The following ZNF429 variants were observed in gnomAD, a reference collection of about 807,000 sequenced individuals.
ZNF429 encodes the protein zinc finger protein 429.
ZNF429 carries 53 observed loss-of-function variants against 56.8 expected under a neutral mutation model. The ratio of observed to expected loss-of-function variants is 0.93; its 90% CI spans 0.75 to 1.17. The LOEUF (loss-of-function observed/expected upper bound fraction) is 1.17, where lower values mean the gene tolerates loss of function less well. ZNF429 is among the 50% of genes most tolerant of loss of function. ZNF429 has a pLI of 0.00. For synonymous variants in ZNF429, 278 were observed against 264.7 expected, an observed-to-expected ratio of 1.05 and a Z score of -0.49; for missense variants, 849 against 788.4, an observed-to-expected ratio of 1.08 and a Z score of -0.92.
chr19:21,529,549 T>C, intron 1 of ZNF429, 109 bp from the exon 2 acceptor site: 1 of 1,277,932 alleles, frequency 7.8e-7, no homozygotes, highest in Non-Finnish European at 1.0e-6. Flanking sequence ...GCAGTTCTCT[T>C]TACTCTCTCA....
chr19:21,524,213 A>G (rs1356371581), intron 1 of ZNF429, among the ~76,000 whole-genome samples: 1 of 152,194 alleles, frequency 6.6e-6, no homozygotes, highest in Non-Finnish European at 1.5e-5. Flanking sequence ...CCAGAGCCAT[A>G]ACACAACTAT....
chr19:21,535,355 TTTC>T, intron 3 of ZNF429, among the ~76,000 whole-genome samples: 3 of 94,200 alleles, frequency 3.2e-5, no homozygotes, highest in Admixed American at 2.0e-4. Flanking sequence ...TTTCCTTTCT[TTTC>T]TTCTTTCTTT....
intron 1 of ZNF429, among the ~76,000 whole-genome samples, chr19:21,507,946 A>G (rs998887232): frequency 1.3e-5 from 2 of 152,104 alleles, no homozygotes; most frequent in Non-Finnish European, 2.9e-5. Flanking sequence ...ATTCTCTACA[A>G]TTTGTGAAAA....
Position 21,538,117 on chromosome 19 carries a change from A to C in ZNF429, c.*39A>C. 2 of 807,918 alleles carry C rather than the reference A, an allele frequency of 2.5e-6. No homozygotes were observed. Among genetic ancestry groups the C allele is most frequent in the Non-Finnish European group, 3.7e-6 (2 of 543,134 alleles). 50.0% of individuals were successfully genotyped at this position (807,918 alleles called of 1,614,324 possible). A position where few individuals can be genotyped will look rare whatever the true frequency, so the allele number is the denominator to read the frequency against. Reference sequence around the variant, plus strand: ...CGTCTCTACTAAAAATACAAAAAAAAAAAAAAAAAAAATTAGCCAGGCGTG... The same window carrying C: ...CGTCTCTACTAAAAATACAAAAAAACAAAAAAAAAAAATTAGCCAGGCGTG... On this transcript the variant is annotated 3_prime_UTR_variant, in exon 4 of 4. Transcript: ENST00000358491.
chr19:21,535,903 A>G, intron 3 of ZNF429, among the ~76,000 whole-genome samples: 1 of 152,180 alleles, frequency 6.6e-6, no homozygotes, highest in Non-Finnish European at 1.5e-5. Context: ...ATAAAGATGT[A>G]TGTGCCAATA....
rs1233150894 is a variant in ZNF429 at position 21,540,288 on chromosome 19, G to T, written c.*2210G>T. Among the ~76,000 whole-genome samples the T allele has an allele frequency of 1.3e-5, 2 of 152,158 alleles. No homozygotes were observed. The highest frequency in any genetic ancestry group is 2.9e-5 in the Non-Finnish European group (2 of 68,012). On this transcript the variant is annotated 3_prime_UTR_variant, in exon 4 of 4. Coordinates refer to ENST00000358491, the MANE Select transcript of ZNF429 (RefSeq NM_001001415.4). ...TAGCAGTATGCTATTTAGTAACATA[G>T]TGGAATAGCATCTCTAGTAATCTCT...
intron 1 of ZNF429, among the ~76,000 whole-genome samples, chr19:21,506,762 T>TTTTTG (rs1368507546): frequency 7.0e-6 from 1 of 142,382 alleles, no homozygotes; most frequent in Non-Finnish European, 1.5e-5. Flanking sequence ...TTGAGTTAGT[T>TTTTTG]TTTTGTTTTT....
chr19:21,535,556 C>A, intron 3 of ZNF429, among the ~76,000 whole-genome samples: 1 of 147,972 alleles, frequency 6.8e-6, no homozygotes, highest in Non-Finnish European at 1.5e-5. Context: ...GCTCTGTTGC[C>A]CAGGCTGGAG....
chr19:21,530,687 A>T lies in ZNF429; in HGVS notation c.226+3A>T. 9 of 1,605,182 alleles carry T rather than the reference A, an allele frequency of 5.6e-6. No homozygotes were observed. The African/African-American group carries it at 1.1e-4, about 19-fold the overall frequency. ...TGAAATGGTGGATGAACCCCCAGGT[A>T]GGTGAGAGTGAACACAACAGACAAC... On this transcript the variant is annotated splice_donor_region_variant and intron_variant, in intron 3 of 3. Transcript: ENST00000358491.
rs545110643 is a variant in ZNF429 at position 21,511,112 on chromosome 19, G to C, written c.3+5338G>C. 9.9e-3 allele frequency among the ~76,000 whole-genome samples: 1,514 copies of C among 152,314 alleles called. 25 individuals carry two copies. The highest frequency in any genetic ancestry group is 0.034 in the African/African-American group (1,418 of 41,564). On this transcript the variant is annotated intron_variant, in intron 1 of 3. Coordinates refer to ENST00000358491, the MANE Select transcript of ZNF429 (RefSeq NM_001001415.4). ...GCTGTTGGGTACACCTCCCAGACGG[G>C]GTGGTGGCCGGGCAGAGGGGCTCCT... is the stretch of plus-strand genomic sequence containing the variant.
In ZNF429 at chr19:21,536,830, T is replaced by TG; in HGVS notation, c.777_778insG (p.Lys260GlufsTer8). The TG allele has an allele frequency of 6.2e-7, 1 of 1,613,722 alleles. No homozygotes were observed. The highest frequency in any genetic ancestry group is 2.2e-5 in the East Asian group (1 of 44,866). The stretch of plus-strand genomic sequence containing the variant: ...ATACTGGAGAGAAACCCTACAAATG[T>TG]AAAGAATGTGGCAAAGCCTTTAGCA... On this transcript the variant is annotated frameshift_variant, in exon 4 of 4. Coordinates refer to ENST00000358491, the MANE Select transcript of ZNF429 (RefSeq NM_001001415.4). LOFTEE classifies it high-confidence loss of function.
Position 21,536,224 on chromosome 19 carries a change from G to A in ZNF429, c.227-56G>A. On this transcript the variant is annotated intron_variant, in intron 3 of 3. Transcript: ENST00000358491. ...TAACTTTAGAGGTTTTGTTTGTGAC[G>A]TATATATATCTGAGTCTAGTAAGTG... The A allele has an allele frequency of 4.0e-5, 59 of 1,483,268 alleles. 1 individual carries two copies. The highest frequency in any genetic ancestry group is 1.8e-4 in the East Asian group (8 of 43,820). The allele number at this position is 1,483,268 out of a possible 1,614,324, so 91.9% of individuals were successfully genotyped here.
In ZNF429 at chr19:21,537,128, C is replaced by T; in HGVS notation, c.1075C>T (p.His359Tyr). 2 of 1,613,656 alleles carry T rather than the reference C, an allele frequency of 1.2e-6. No homozygotes were observed. The highest frequency in any genetic ancestry group is 1.7e-6 in the Non-Finnish European group (2 of 1,179,868). ...TAACTGGTCTTCAACTCTTACTAAACATAAGGTAATTCATACTGGAGAGAA... is the reference window on the plus strand; with the variant it reads ...TAACTGGTCTTCAACTCTTACTAAATATAAGGTAATTCATACTGGAGAGAA... ...AFNWSSTLTK[H>Y]KVIHTGEKPY... is the part of the protein sequence containing the mutation. Residue 359 changes from histidine to tyrosine, a missense_variant, in exon 4 of 4, where the codon CAT becomes TAT. His to Tyr is a moderately conservative substitution (Grantham distance 83). Transcript: ENST00000358491.
intron 1 of ZNF429, chr19:21,505,990 G>T: frequency 2.2e-6 from 1 of 462,342 alleles, no homozygotes. Flanking sequence ...CGCAGTGACT[G>T]TGCCTGACGT....
chr19:21,531,126 A>AAT, intron 3 of ZNF429, among the ~76,000 whole-genome samples: 1 of 106,032 alleles, frequency 9.4e-6, no homozygotes, highest in Non-Finnish European at 2.1e-5. Flanking sequence ...AAAAAAAAAA[A>AAT]AAACCAAAAA....
At chr19:21,535,914 T>C in intron 3 of ZNF429, among the ~76,000 whole-genome samples, 35 of 152,196 alleles carry the variant, frequency 2.3e-4, no homozygotes, top group Admixed American at 7.9e-4. Flanking sequence ...TGTGCCAATA[T>C]ATTTCTTGTC....
intron 1 of ZNF429, among the ~76,000 whole-genome samples, chr19:21,516,058 T>A (rs952674515): frequency 2.6e-5 from 4 of 152,126 alleles, no homozygotes; most frequent in African/African-American, 7.2e-5. Flanking sequence ...TTTTGTTTTT[T>A]TAAATTTTTT....
Position 21,536,858 on chromosome 19 carries a change from T to C in ZNF429, c.805T>C (p.Tyr269His). The change falls in exon 4 of 4, where the codon TAC becomes CAC. Residue 269 changes from tyrosine to histidine, a missense_variant. Transcript: ENST00000358491. The stretch of plus-strand genomic sequence containing the variant: ...AGAATGTGGCAAAGCCTTTAGCAGG[T>C]ACTCAACCCTTACTACCCATAAGAG... The part of the protein sequence containing the change: ...CKECGKAFSR[Y>H]STLTTHKRIH... The C allele has an allele frequency of 6.2e-7, 1 of 1,613,802 alleles. No homozygotes were observed. Among genetic ancestry groups the C allele is most frequent in the Non-Finnish European group, 8.5e-7 (1 of 1,179,956 alleles).
chr19:21,531,116 A>AACAAAACAAAC, intron 3 of ZNF429, among the ~76,000 whole-genome samples: 1 of 86,158 alleles, frequency 1.2e-5, no homozygotes, highest in African/African-American at 5.3e-5. Context: ...CAAAAAAAAA[A>AACAAAACAAAC]AAAAAAAAAA....
Sources: gnomAD v4.1 joint callset for allele counts (sites outside exome capture counted in the v4.1 genomes callset) on GRCh38, gnomAD v4.1.1 for gene constraint, MANE v1.5 for transcripts, NCBI Gene and HGNC (gene_info 2026-07-23, HGNC 2026-07-21) for gene names.